CSMD1: variants seen among roughly 807,000 people sequenced by gnomAD.
CSMD1 encodes CUB and sushi domain-containing protein 1.
A neutral mutation model predicts 417.5 loss-of-function variants in CSMD1; 213 were observed. The observed-to-expected ratio is 0.51, with a 90% confidence interval of 0.46 to 0.57. The LOEUF (loss-of-function observed/expected upper bound fraction) is 0.57. Ranked by LOEUF, CSMD1 falls within the 20% of genes least tolerant of loss-of-function variation. CSMD1 has a pLI of 0.00. For missense variants in CSMD1, 6,923 were observed against 4,529.7 expected (o/e 1.53, Z -15.17); for synonymous variants, 2,862 against 1,736.8 (o/e 1.65, Z -16.11).
chr8:3,536,530 C>T (rs962388778), intron 10 of CSMD1, among the ~76,000 whole-genome samples: 1 of 152,146 alleles, frequency 6.6e-6, no homozygotes, highest in Non-Finnish European at 1.5e-5. Context: ...GAGGATTGGC[C>T]TCCATGAGAA....
chr8:4,422,051 T>C (rs768491850), intron 2 of CSMD1, among the ~76,000 whole-genome samples: 1 of 152,064 alleles, frequency 6.6e-6, no homozygotes, highest in East Asian at 1.9e-4. Flanking sequence ...TAAGACAATA[T>C]GGGTCACTAA....
At chr8:4,510,661 G>A (rs1048511377) in intron 2 of CSMD1, among the ~76,000 whole-genome samples, 24 of 101,954 alleles carry the variant, frequency 2.4e-4, no homozygotes, top group Admixed American at 8.2e-4. Flanking sequence ...TCTTCCTTCC[G>A]TCTTCCTTTC....
chr8:4,258,803 C>G (rs1406591731), intron 3 of CSMD1, among the ~76,000 whole-genome samples: 2 of 152,080 alleles, frequency 1.3e-5, no homozygotes, highest in African/African-American at 4.8e-5. Context: ...AGAGGCAACT[C>G]TAAGGGCACA....
At chr8:3,631,372 G>C (rs1041041185) in intron 7 of CSMD1, among the ~76,000 whole-genome samples, 3 of 152,178 alleles carry the variant, frequency 2.0e-5, no homozygotes, top group African/African-American at 7.2e-5. Context: ...AAAGCAACAC[G>C]TGAGGTAGTC....
intron 12 of CSMD1, among the ~76,000 whole-genome samples, chr8:3,420,121 G>A (rs546437798): frequency 1.5e-4 from 23 of 152,046 alleles, no homozygotes; most frequent in African/African-American, 5.3e-4. Context: ...TTCAATAGTT[G>A]GGAAGTCATT....
chr8:3,478,788 C>T (rs1333163319), intron 11 of CSMD1, among the ~76,000 whole-genome samples: 4 of 152,158 alleles, frequency 2.6e-5, no homozygotes. Context: ...CTTGTGGTCC[C>T]AGGGCTGCCT....
chr8:4,199,362 C>T (rs752227693), intron 3 of CSMD1, among the ~76,000 whole-genome samples: 2 of 152,074 alleles, frequency 1.3e-5, no homozygotes, highest in Admixed American at 1.3e-4. Context: ...CACATAGATG[C>T]TTTAATAAAG....
At chr8:4,100,238 G>A (rs987680603) in intron 3 of CSMD1, among the ~76,000 whole-genome samples, 14 of 152,148 alleles carry the variant, frequency 9.2e-5, no homozygotes, top group African/African-American at 3.4e-4. Flanking sequence ...CATACAGATG[G>A]AAAACAGTAG....
intron 1 of CSMD1, among the ~76,000 whole-genome samples, chr8:4,888,529 G>C (rs1177676389): frequency 6.6e-6 from 1 of 151,768 alleles, no homozygotes; most frequent in Admixed American, 6.6e-5. Flanking sequence ...GAGAGAGAGA[G>C]GTATGTGTGT....
At chr8:2,981,807 T>A (rs777806314) in intron 54 of CSMD1, among the ~76,000 whole-genome samples, 11 of 152,118 alleles carry the variant, frequency 7.2e-5, no homozygotes, top group Non-Finnish European at 1.2e-4. Context: ...AAAGTCACAA[T>A]GACAATTGAA....
At chr8:2,952,362 A>G (rs1802694430) in intron 65 of CSMD1, among the ~76,000 whole-genome samples, 1 of 152,198 alleles carries the variant, frequency 6.6e-6, no homozygotes, top group Non-Finnish European at 1.5e-5. Flanking sequence ...TTTTCTTTCC[A>G]GCCCAACTGG....
At chr8:3,906,456 GA>G (rs1169615712) in intron 5 of CSMD1, among the ~76,000 whole-genome samples, 1 of 152,070 alleles carries the variant, frequency 6.6e-6, no homozygotes, top group Non-Finnish European at 1.5e-5. Context: ...ATCATGATAT[GA>G]ATTCTGAAAA....
chr8:3,114,586 A>G (rs1442427440), intron 42 of CSMD1, among the ~76,000 whole-genome samples: 1 of 151,988 alleles, frequency 6.6e-6, no homozygotes, highest in Non-Finnish European at 1.5e-5. Flanking sequence ...TTTCCTTAGA[A>G]GCATTTTCAG....
chr8:3,952,736 G>A (rs1811674325), intron 5 of CSMD1, among the ~76,000 whole-genome samples: 1 of 152,146 alleles, frequency 6.6e-6, no homozygotes, highest in African/African-American at 2.4e-5. Flanking sequence ...ATTTTAAAAT[G>A]GCTTATTGTA....
At chr8:3,267,103 GGAGA>G (rs955713346) in intron 26 of CSMD1, among the ~76,000 whole-genome samples, 4 of 151,720 alleles carry the variant, frequency 2.6e-5, no homozygotes, top group African/African-American at 7.2e-5. Flanking sequence ...GTGAAAATCA[GGAGA>G]GAAAGAGGCT....
intron 11 of CSMD1, among the ~76,000 whole-genome samples, chr8:3,483,867 T>C (rs1817879769): frequency 6.6e-6 from 1 of 152,198 alleles, no homozygotes; most frequent in East Asian, 1.9e-4. Context: ...CATCCACCAT[T>C]AGAAGAGGCT....
intron 5 of CSMD1, among the ~76,000 whole-genome samples, chr8:3,877,469 C>G (rs1009393351): frequency 4.6e-5 from 7 of 152,152 alleles, no homozygotes; most frequent in African/African-American, 1.4e-4. Flanking sequence ...CCCTACAGCT[C>G]TCTCAATTTG....
chr8:4,589,083 T>C (rs186715861), intron 2 of CSMD1, among the ~76,000 whole-genome samples: 259 of 152,220 alleles, frequency 1.7e-3, no homozygotes, highest in Non-Finnish European at 2.7e-3. Flanking sequence ...ATAAAAAATA[T>C]GTTGTCCTTA....
At chr8:4,714,951 G>T (rs561768166) in intron 1 of CSMD1, among the ~76,000 whole-genome samples, 1 of 152,156 alleles carries the variant, frequency 6.6e-6, no homozygotes, top group Non-Finnish European at 1.5e-5. Flanking sequence ...GAATTCTGCT[G>T]CTGTTTTTGT....
Sources: allele counts gnomAD v4.1 joint callset (sites outside exome capture counted in the v4.1 genomes callset), GRCh38; gene constraint gnomAD v4.1.1; transcripts MANE v1.5; gene names NCBI Gene and HGNC (gene_info 2026-07-23, HGNC 2026-07-21).